FAM237A: variants seen among roughly 807,000 people sequenced by gnomAD.
FAM237A encodes the protein protein FAM237A.
Under a neutral mutation model 12.5 loss-of-function variants are expected in FAM237A, and 14 were observed. The ratio of observed to expected loss-of-function variants is 1.12; its 90% CI spans 0.74 to 1.75. The LOEUF (loss-of-function observed/expected upper bound fraction) is 1.75. Among genes scored for constraint, FAM237A ranks in the 40% most tolerant of loss-of-function variants. The pLI is 0.00. For missense variants in FAM237A, 240 were observed against 211.7 expected, an observed-to-expected ratio of 1.13 and a Z score of -0.83; for synonymous variants, 85 against 77.5, an observed-to-expected ratio of 1.10 and a Z score of -0.51.
At chr2:206,643,852 G>T (rs899800807) in intron 1 of FAM237A, among the ~76,000 whole-genome samples, 3 of 152,146 alleles carry the variant, frequency 2.0e-5, no homozygotes, top group Non-Finnish European at 2.9e-5. Context: ...GCCAGGTTTC[G>T]CTAAGATATT....
chr2:206,648,631 T>C (rs897436899), intron 2 of FAM237A, 30 bp from the exon 3 acceptor site: 2 of 1,565,588 alleles, frequency 1.3e-6, no homozygotes, highest in East Asian at 2.3e-5. Context: ...AATTTGGTGA[T>C]CTTATGAAGT....
intron 1 of FAM237A, among the ~76,000 whole-genome samples, chr2:206,643,126 C>A (rs184240036): frequency 6.6e-6 from 1 of 152,148 alleles, no homozygotes; most frequent in East Asian, 1.9e-4. Context: ...TCAGAAGAGA[C>A]AGATTATCCA....
intron 2 of FAM237A, among the ~76,000 whole-genome samples, chr2:206,648,052 T>A (rs1699339218): frequency 6.6e-6 from 1 of 152,114 alleles, no homozygotes; most frequent in Non-Finnish European, 1.5e-5. Flanking sequence ...TTCAGAAACA[T>A]AAATAGGTTC....
chr2:206,644,737 G>A, intron 2 of FAM237A, 89 bp downstream of exon 2: 1 of 1,265,634 alleles, frequency 7.9e-7, no homozygotes, highest in Non-Finnish European at 1.1e-6. Flanking sequence ...GGCATTAGGG[G>A]AATCCAGTGT....
At position 206,644,643 on chromosome 2, in the gene FAM237A, A is replaced by G. The variant is rs1218286820; in HGVS notation, c.407A>G (p.Lys136Arg). The G allele has an allele frequency of 6.4e-7, 1 of 1,563,992 alleles. No homozygotes were observed. The highest frequency in any genetic ancestry group is 8.6e-7 in the Non-Finnish European group (1 of 1,158,632). ...SAAQPQHTRSKQGTYSQLLRT... is the reference protein window; with the variant it reads ...SAAQPQHTRSRQGTYSQLLRT... ...GCGCAGCCACAGCACACAAGGAGTA[A>G]ACAAGGTGGTCAACCCCAGCTCCCA... is the stretch of plus-strand genomic sequence containing the variant. Residue 136 changes from lysine (K) to arginine (R), a missense_variant, in exon 2 of 3, where the codon AAA becomes AGA. Lys to Arg is a conservative substitution (Grantham distance 26, BLOSUM62 2). Transcript: ENST00000441223.
At chr2:206,644,946 A>G (rs904531806) in intron 2 of FAM237A, among the ~76,000 whole-genome samples, 3 of 152,246 alleles carry the variant, frequency 2.0e-5, no homozygotes, top group Admixed American at 6.5e-5. Context: ...ATAAAAGTAT[A>G]AACAGATCCC....
rs1433007916 is a variant in FAM237A, at chr2:206,644,689, C to G, written c.412+41C>G. On this transcript the variant is annotated intron_variant, in intron 2 of 2. Transcript: ENST00000441223. ...TCCCATGTCTTTTGAAAGGGTCAAT[C>G]AAGTATGAATGTGCTGAATTGTGAG... 2.7e-6 allele frequency: 4 copies of G among 1,492,268 alleles called. No individual in the cohort carries two copies. The South Asian group carries it at 4.2e-5, about 16-fold the overall frequency. 92.4% of individuals were successfully genotyped at this position (1,492,268 alleles called of 1,614,324 possible). A position where few individuals can be genotyped will look rare whatever the true frequency, so the allele number is the denominator to read the frequency against.
chr2:206,645,256 A>G lies in FAM237A; in HGVS notation c.412+608A>G, dbSNP rs554054716. Among the ~76,000 whole-genome samples the G allele has an allele frequency of 1.3e-4, 20 of 152,344 alleles. No individual in the cohort carries two copies. In the South Asian group the frequency reaches 3.3e-3, roughly 25 times the overall value. ...TAACTTGCAGCAATCTGAGTAATTA[A>G]TTTTTAGTAAGTTGGAACTTGCTAC... On this transcript the variant is annotated intron_variant, in intron 2 of 2. Coordinates refer to ENST00000441223, the MANE Select transcript of FAM237A (RefSeq NM_001102659.3).
rs1699353506 is a variant in FAM237A at position 206,649,012 on chromosome 2, G to C, written c.*218G>C. The C allele has an allele frequency of 3.7e-6, 1 of 268,874 alleles. No individual in the cohort carries two copies. The allele number at this position is 268,874 out of a possible 1,614,324, so 16.7% of individuals were successfully genotyped here. ...TCTTCTAATGGTGACATTACTGCCA[G>C]TCTATCCCACAGTCTAAAGGAGTTA... On this transcript the variant is annotated 3_prime_UTR_variant, in exon 3 of 3. Coordinates refer to ENST00000441223, the MANE Select transcript of FAM237A (RefSeq NM_001102659.3).
In FAM237A at chr2:206,644,424, C is replaced by A. The variant is rs1188000052; in HGVS notation, c.188C>A (p.Pro63His). The change falls in exon 2 of 3, where the codon CCT (proline) becomes CAT (histidine). Residue 63 changes from proline to histidine, a missense_variant. Pro to His is a moderately conservative substitution (Grantham distance 77). Coordinates refer to ENST00000441223, the MANE Select transcript of FAM237A (RefSeq NM_001102659.3). ...GTGCTTCTCCTGGAAATGTGGAAAC[C>A]TCGCGTTTCCAACACTGTTTCAGGC... is the stretch of plus-strand genomic sequence containing the variant. ...SSVLLLEMWK[P>H]RVSNTVSGFW... is the part of the protein sequence containing the mutation. 1.9e-6 allele frequency: 3 copies of A among 1,613,838 alleles called. No homozygotes were observed. The highest frequency in any genetic ancestry group is 2.5e-6 in the Non-Finnish European group (3 of 1,179,812).
At chr2:206,646,195 CG>C in intron 2 of FAM237A, among the ~76,000 whole-genome samples, 1 of 149,990 alleles carries the variant, frequency 6.7e-6, no homozygotes, top group Non-Finnish European at 1.5e-5. Flanking sequence ...CCCAGCTACT[CG>C]GGAGGCTGAG....
At position 206,644,566 on chromosome 2, in the gene FAM237A, C is replaced by T. The variant is rs752760301; in HGVS notation, c.330C>T (p.Asn110=). 6.2e-7 allele frequency: 1 copy of T among 1,613,524 alleles called. No homozygotes were observed. ...DIYVDCVLSR[N]HGLGRRQLVG... ...ATGTGGACTGTGTGCTCTCTAGGAACCATGGCTTAGGAAGGAGGCAATTGG... is the reference window on the plus strand; with the variant it reads ...ATGTGGACTGTGTGCTCTCTAGGAATCATGGCTTAGGAAGGAGGCAATTGG... Residue 110 remains asparagine, a synonymous_variant, in exon 2 of 3, where the codon AAC becomes AAT. Coordinates refer to ENST00000441223, the MANE Select transcript of FAM237A (RefSeq NM_001102659.3).
Position 206,648,733 on chromosome 2 carries a change from A to C in FAM237A, c.485A>C (p.His162Pro). 1.3e-6 allele frequency: 2 copies of C among 1,575,858 alleles called. No individual in the cohort carries two copies. The highest frequency in any genetic ancestry group is 1.7e-6 in the Non-Finnish European group (2 of 1,158,882). Residue 162 changes from histidine to proline, a missense_variant, in exon 3 of 3, where the codon CAT becomes CCT. Coordinates refer to ENST00000441223, the MANE Select transcript of FAM237A (RefSeq NM_001102659.3). ...KELIEDLISM[H>P]VRRSGSSVIG... Reference sequence around the variant, plus strand: ...TTGATTGAAGATTTGATAAGCATGCATGTGCGTAGGAGTGGGTCTAGTGTC... The same window carrying C: ...TTGATTGAAGATTTGATAAGCATGCCTGTGCGTAGGAGTGGGTCTAGTGTC...
chr2:206,646,722 T>C (rs1322082947), intron 2 of FAM237A, among the ~76,000 whole-genome samples: 14 of 152,238 alleles, frequency 9.2e-5, no homozygotes, highest in Admixed American at 9.2e-4. Context: ...GGAAATACCA[T>C]GTCCAACAGT....
At position 206,648,680 on chromosome 2, in the gene FAM237A, A is replaced by G. The variant is rs770760951; in HGVS notation, c.432A>G (p.Leu144=). The change falls in exon 3 of 3, where the codon CTA becomes CTG. Residue 144 remains leucine (L), a synonymous_variant. Coordinates refer to ENST00000441223, the MANE Select transcript of FAM237A (RefSeq NM_001102659.3). Reference sequence around the variant, plus strand: ...TTTCAGGTACATATTCTCAGCTCCTAAGGACCTCCTTCCTAAAGAAGAAAG... The same window carrying G: ...TTTCAGGTACATATTCTCAGCTCCTGAGGACCTCCTTCCTAAAGAAGAAAG... ...RSKQGTYSQL[L]RTSFLKKKEL... is the part of the protein sequence containing the mutation. 18 of 1,593,044 alleles carry G rather than the reference A, an allele frequency of 1.1e-5. No individual in the cohort carries two copies. Among genetic ancestry groups the G allele is most frequent in the Admixed American group, 1.8e-5 (1 of 57,022 alleles).
At chr2:206,644,687 A>G (rs377451451) in intron 2 of FAM237A, 39 bp downstream of exon 2, 4 of 1,495,998 alleles carry the variant, frequency 2.7e-6, no homozygotes, top group African/African-American at 2.8e-5. Context: ...GAAAGGGTCA[A>G]TCAAGTATGA....
At position 206,642,973 on chromosome 2, in the gene FAM237A, G is replaced by A. The variant is rs545188305; in HGVS notation, c.-11+391G>A. 6.6e-6 allele frequency among the ~76,000 whole-genome samples: 1 copy of A among 152,166 alleles called. No homozygotes were observed. Among genetic ancestry groups the A allele is most frequent in the Non-Finnish European group, 1.5e-5 (1 of 68,024 alleles). On this transcript the variant is annotated intron_variant, in intron 1 of 2. Transcript: ENST00000441223. This position sits in a 1 kb window ranked among gnomAD's most constrained non-coding sequence, Gnocchi z 5.1. ...AAATATGATTTCAAGTAGAGATAATGCATACATGATATGAAAGATAGAGGA... is the reference window on the plus strand; with the variant it reads ...AAATATGATTTCAAGTAGAGATAATACATACATGATATGAAAGATAGAGGA...
Position 206,644,224 on chromosome 2 carries a change from C to A in FAM237A, c.-10-3C>A. Reference sequence around the variant, plus strand: ...TGATAAGAAATATTTCCATCCTGTGCAGTTTTAGGGCCATGGCTGATCCTG... The same window carrying A: ...TGATAAGAAATATTTCCATCCTGTGAAGTTTTAGGGCCATGGCTGATCCTG... On this transcript the variant is annotated splice_polypyrimidine_tract_variant and splice_region_variant and intron_variant, in intron 1 of 2. Coordinates refer to ENST00000441223, the MANE Select transcript of FAM237A (RefSeq NM_001102659.3). 1.3e-6 allele frequency: 2 copies of A among 1,569,018 alleles called. No homozygotes were observed. The highest frequency in any genetic ancestry group is 1.7e-4 in the Middle Eastern group (1 of 5,802).
At chr2:206,648,513 C>T (rs1699345277) in intron 2 of FAM237A, 148 bp from the exon 3 acceptor site, 2 of 738,078 alleles carry the variant, frequency 2.7e-6, no homozygotes, top group African/African-American at 1.8e-5. Context: ...TACACACTTA[C>T]ATATATTCCT....
Sources: allele counts gnomAD v4.1 joint callset (sites outside exome capture counted in the v4.1 genomes callset), GRCh38; gene constraint gnomAD v4.1.1; non-coding constraint Gnocchi (gnomAD v3.1); transcripts MANE v1.5; gene names NCBI Gene and HGNC (gene_info 2026-07-23, HGNC 2026-07-21).